Variants in KCNIP4 observed in about 807,000 individuals in gnomAD.
KCNIP4 encodes the protein Kv channel-interacting protein 4.
KCNIP4 carries 12 observed loss-of-function variants against 34.0 expected under a neutral mutation model. That is an observed-to-expected ratio of 0.35 (90% CI 0.23 to 0.57). The LOEUF (loss-of-function observed/expected upper bound fraction) is 0.57, where lower values mean the gene tolerates loss of function less well. Ranked by LOEUF, KCNIP4 falls within the 20% of genes least tolerant of loss-of-function variation. The pLI, the probability that KCNIP4 is intolerant of heterozygous loss-of-function variation, is 0.83. For missense variants in KCNIP4, 238 were observed against 311.7 expected, an observed-to-expected ratio of 0.76 and a Z score of 1.78; for synonymous variants, 124 against 102.2, an observed-to-expected ratio of 1.21 and a Z score of -1.29.
chr4:21,536,103 C>T (rs17481500), intron 1 of KCNIP4, among the ~76,000 whole-genome samples: 1 of 151,882 alleles, frequency 6.6e-6, no homozygotes, highest in African/African-American at 2.4e-5. Context: ...ACGTAAGAGA[C>T]AGGAAGGTTC....
chr4:21,395,969 G>A (rs187920380), intron 1 of KCNIP4, among the ~76,000 whole-genome samples: 8 of 151,856 alleles, frequency 5.3e-5, no homozygotes, highest in South Asian at 4.2e-4. Flanking sequence ...TTTACTTTAC[G>A]TAAAGGGCTA....
intron 1 of KCNIP4, among the ~76,000 whole-genome samples, chr4:21,369,176 G>A (rs1720087054): frequency 6.8e-6 from 1 of 147,192 alleles, no homozygotes; most frequent in African/African-American, 2.7e-5. Flanking sequence ...TAATGGTAGT[G>A]TTATGAGAAT....
rs1223892937 is a variant in KCNIP4, at chr4:21,615,814, T to C, written c.61+332757A>G. ...CCCACATCCAATTTTCCAGGAAATC[T>C]TGTTGATTCTATCTTGAGGCTCTTT... On this transcript the variant is annotated intron_variant, in intron 1 of 8. Transcript: ENST00000382152. 3.3e-5 allele frequency among the ~76,000 whole-genome samples: 5 copies of C among 152,360 alleles called. No homozygotes were observed. The East Asian group carries it at 9.7e-4, about 29-fold the overall frequency.
intron 1 of KCNIP4, among the ~76,000 whole-genome samples, chr4:21,768,970 A>G (rs1718603401): frequency 6.6e-6 from 1 of 152,040 alleles, no homozygotes. Flanking sequence ...TGTTTGATGT[A>G]GCAATATCCT....
At chr4:21,535,284 A>G (rs947912902) in intron 1 of KCNIP4, among the ~76,000 whole-genome samples, 2 of 152,198 alleles carry the variant, frequency 1.3e-5, no homozygotes, top group African/African-American at 2.4e-5. Flanking sequence ...CTTCCAATGT[A>G]TAGAAAAGTC....
chr4:21,442,660 A>G (rs1213465715), intron 1 of KCNIP4, among the ~76,000 whole-genome samples: 1 of 152,092 alleles, frequency 6.6e-6, no homozygotes, highest in African/African-American at 2.4e-5. Flanking sequence ...ATGGCTTTCC[A>G]TATCCCTTTG....
chr4:20,853,544 A>C (rs1721260387), intron 2 of KCNIP4, among the ~76,000 whole-genome samples: 1 of 152,204 alleles, frequency 6.6e-6, no homozygotes, highest in East Asian at 1.9e-4. Context: ...AAATTCTAGA[A>C]GATAACATTG....
intron 1 of KCNIP4, among the ~76,000 whole-genome samples, chr4:21,705,835 A>G (rs761795014): frequency 1.3e-5 from 2 of 152,182 alleles, no homozygotes; most frequent in African/African-American, 2.4e-5. Context: ...ATCTGTTTGA[A>G]AAACCTTCTC....
At chr4:21,818,317 A>G (rs1444601771) in intron 1 of KCNIP4, among the ~76,000 whole-genome samples, 1 of 152,204 alleles carries the variant, frequency 6.6e-6, no homozygotes, top group Non-Finnish European at 1.5e-5. Flanking sequence ...TGAAATCCCC[A>G]GGGGGTAACC....
rs149004737 is a variant in KCNIP4 at position 21,492,373 on chromosome 4, C to A, written c.61+456198G>T. ...AGCTAGGACTACAGACATGTATCAC[C>A]ATGCTTAATTTTTTATTTTATTTTA... On this transcript the variant is annotated intron_variant, in intron 1 of 8. Transcript: ENST00000382152. 8.1e-3 allele frequency among the ~76,000 whole-genome samples: 1,229 copies of A among 152,160 alleles called. 14 individuals carry two copies. The highest frequency in any genetic ancestry group is 0.028 in the African/African-American group (1,182 of 41,512).
intron 1 of KCNIP4, among the ~76,000 whole-genome samples, chr4:20,888,584 C>T (rs1188659064): frequency 6.6e-6 from 1 of 152,038 alleles, no homozygotes; most frequent in Non-Finnish European, 1.5e-5. Context: ...TCCAAACTGC[C>T]TTAGTATGTA....
intron 1 of KCNIP4, among the ~76,000 whole-genome samples, chr4:21,426,588 A>T (rs1577342680): frequency 6.6e-6 from 1 of 152,166 alleles, no homozygotes; most frequent in Non-Finnish European, 1.5e-5. Context: ...AGGAGTATGT[A>T]AACATGTAAC....
At chr4:21,080,071 A>G (rs879430092) in intron 1 of KCNIP4, among the ~76,000 whole-genome samples, 1 of 151,882 alleles carries the variant, frequency 6.6e-6, no homozygotes, top group Non-Finnish European at 1.5e-5. Flanking sequence ...TGCAGCAGTA[A>G]CAGGAAACAA....
intron 1 of KCNIP4, among the ~76,000 whole-genome samples, chr4:21,130,506 T>A (rs967695251): frequency 3.3e-5 from 5 of 152,242 alleles, no homozygotes; most frequent in Non-Finnish European, 7.3e-5. Flanking sequence ...TGCTTCATGC[T>A]AATCCACAAT....
chr4:21,005,057 G>C (rs74920683), intron 1 of KCNIP4, among the ~76,000 whole-genome samples: 101 of 152,278 alleles, frequency 6.6e-4, no homozygotes, highest in African/African-American at 2.4e-3. Flanking sequence ...CATGTGAATA[G>C]CAAAAGTATA....
At chr4:21,247,003 G>C (rs1331413986) in intron 1 of KCNIP4, among the ~76,000 whole-genome samples, 13 of 152,242 alleles carry the variant, frequency 8.5e-5, no homozygotes, top group African/African-American at 3.1e-4. Context: ...GATCTCAAGA[G>C]ATAAGGATTA....
intron 1 of KCNIP4, among the ~76,000 whole-genome samples, chr4:21,309,203 G>T (rs1004444053): frequency 1.8e-4 from 28 of 152,146 alleles, no homozygotes; most frequent in Non-Finnish European, 3.5e-4. Context: ...GGCTGGGAAG[G>T]CTTTAAAGAG....
At chr4:21,555,591 G>C (rs1333230583) in intron 1 of KCNIP4, among the ~76,000 whole-genome samples, 1 of 151,992 alleles carries the variant, frequency 6.6e-6, no homozygotes, top group Non-Finnish European at 1.5e-5. Context: ...GAAGAATATG[G>C]AATAAAATTG....
chr4:21,053,258 T>C (rs1481976461), intron 1 of KCNIP4, among the ~76,000 whole-genome samples: 2 of 152,198 alleles, frequency 1.3e-5, no homozygotes, highest in African/African-American at 2.4e-5. Context: ...GAGATATTTT[T>C]ATGCAAAGCT....
Sources: allele counts gnomAD v4.1 joint callset (sites outside exome capture counted in the v4.1 genomes callset), GRCh38; gene constraint gnomAD v4.1.1; transcripts MANE v1.5; gene names NCBI Gene and HGNC (gene_info 2026-07-23, HGNC 2026-07-21).